Variants in MB21D2 observed in about 807,000 individuals in gnomAD.
MB21D2 encodes nucleotidyltransferase MB21D2.
Under a neutral mutation model 33.3 loss-of-function variants are expected in MB21D2, and 9 were observed. The ratio of observed to expected loss-of-function variants is 0.27; its 90% CI spans 0.16 to 0.47. The LOEUF is 0.47. Among genes scored for constraint, MB21D2 ranks in the 20% least tolerant of loss-of-function variants. MB21D2 has a pLI of 0.99. For synonymous variants in MB21D2, 241 were observed against 236.3 expected, an observed-to-expected ratio of 1.02 and a Z score of -0.18; for missense variants, 540 against 624.6, an observed-to-expected ratio of 0.86 and a Z score of 1.44.
chr3:192,798,153 C>G lies in MB21D2; in HGVS notation c.*233G>C. ...TAAAAAGAAAAAAAACTCCAACAAA[C>G]TAAAGAGCATGACAATAACTACAAA... On this transcript the variant is annotated 3_prime_UTR_variant, in exon 2 of 2. Transcript: ENST00000392452. The surrounding 1 kb of genome is among the most constrained non-coding windows in gnomAD (Gnocchi z 4.8). The G allele has an allele frequency of 4.3e-6, 2 of 462,054 alleles. No homozygotes were observed. The highest frequency in any genetic ancestry group is 3.8e-6 in the Non-Finnish European group (1 of 264,646). The allele number at this position is 462,054 out of a possible 1,614,324, so 28.6% of individuals were successfully genotyped here.
At chr3:192,870,772 C>T (rs1195814223) in intron 1 of MB21D2, among the ~76,000 whole-genome samples, 3 of 94,022 alleles carry the variant, frequency 3.2e-5, no homozygotes, top group Non-Finnish European at 6.0e-5. Context: ...CTAACAAGTT[C>T]GAGGAGTTTA....
At chr3:192,917,417 C>T (rs556276408) in intron 1 of MB21D2, among the ~76,000 whole-genome samples, 4 of 152,288 alleles carry the variant, frequency 2.6e-5, no homozygotes, top group Admixed American at 2.0e-4. Flanking sequence ...GAAAGGGAGA[C>T]CCGGCGTAAA....
At chr3:192,916,275 GAAC>G (rs1714464635) in intron 1 of MB21D2, among the ~76,000 whole-genome samples, 1 of 152,046 alleles carries the variant, frequency 6.6e-6, no homozygotes, top group South Asian at 2.1e-4. Context: ...CCCAACGCGT[GAAC>G]AACTACCAGC....
intron 1 of MB21D2, among the ~76,000 whole-genome samples, chr3:192,895,101 C>T (rs1271091488): frequency 6.6e-6 from 1 of 152,120 alleles, no homozygotes; most frequent in Non-Finnish European, 1.5e-5. Context: ...GCCAAGGGGG[C>T]CTGCTAGGGA....
intron 1 of MB21D2, among the ~76,000 whole-genome samples, chr3:192,823,916 A>G (rs1402145987): frequency 6.6e-6 from 1 of 152,206 alleles, no homozygotes; most frequent in African/African-American, 2.4e-5. Flanking sequence ...CTATCTGAGG[A>G]CATCTAGATG....
chr3:192,867,155 AG>A (rs1713188605), intron 1 of MB21D2, among the ~76,000 whole-genome samples: 1 of 152,182 alleles, frequency 6.6e-6, no homozygotes, highest in African/African-American at 2.4e-5. Flanking sequence ...AGTATTGGGT[AG>A]AGGGAGGAAA....
chr3:192,904,605 C>T (rs1221502202), intron 1 of MB21D2, among the ~76,000 whole-genome samples: 1 of 152,220 alleles, frequency 6.6e-6, no homozygotes, highest in Non-Finnish European at 1.5e-5. Flanking sequence ...AATTCTCAGG[C>T]TCCATTCCAG....
intron 1 of MB21D2, among the ~76,000 whole-genome samples, chr3:192,852,214 C>T (rs377245267): frequency 5.3e-5 from 8 of 152,324 alleles, no homozygotes; most frequent in African/African-American, 1.9e-4. Context: ...TCAGAGACAC[C>T]ACTCAGCATG....
At chr3:192,905,134 C>T (rs1714178667) in intron 1 of MB21D2, among the ~76,000 whole-genome samples, 1 of 152,220 alleles carries the variant, frequency 6.6e-6, no homozygotes, top group Non-Finnish European at 1.5e-5. Flanking sequence ...GATCTTGAAG[C>T]AGCCTAAAAC....
intron 1 of MB21D2, among the ~76,000 whole-genome samples, chr3:192,835,434 C>T (rs528203902): frequency 1.1e-4 from 13 of 120,286 alleles, no homozygotes; most frequent in African/African-American, 3.0e-4. Flanking sequence ...CCAGCCTGGG[C>T]GACACAGCGA....
At chr3:192,884,636 G>A (rs1713691174) in intron 1 of MB21D2, among the ~76,000 whole-genome samples, 2 of 152,024 alleles carry the variant, frequency 1.3e-5, no homozygotes, top group South Asian at 2.1e-4. Context: ...CAAAGTGCTG[G>A]CATTACAGGC....
chr3:192,830,699 T>C (rs1022912557), intron 1 of MB21D2, among the ~76,000 whole-genome samples: 1 of 152,230 alleles, frequency 6.6e-6, no homozygotes, highest in Non-Finnish European at 1.5e-5. Flanking sequence ...AGCCTGCCTG[T>C]CTGTTCATTT....
At chr3:192,840,590 G>A (rs921023628) in intron 1 of MB21D2, among the ~76,000 whole-genome samples, 2 of 152,016 alleles carry the variant, frequency 1.3e-5, no homozygotes, top group Non-Finnish European at 2.9e-5. Flanking sequence ...AAACAGATGA[G>A]TGAGGCGCTA....
intron 1 of MB21D2, among the ~76,000 whole-genome samples, chr3:192,863,259 T>C (rs1713089051): frequency 6.6e-6 from 1 of 152,212 alleles, no homozygotes; most frequent in Non-Finnish European, 1.5e-5. Context: ...TGCCAGGTCC[T>C]TGAGTTCAGA....
chr3:192,879,219 C>T (rs191084244), intron 1 of MB21D2, among the ~76,000 whole-genome samples: 4 of 152,338 alleles, frequency 2.6e-5, no homozygotes, highest in Admixed American at 2.6e-4. Flanking sequence ...AAATCTCTTT[C>T]TCTGCCTCCA....
At chr3:192,843,358 A>ATGCTCAT (rs1366128573) in intron 1 of MB21D2, among the ~76,000 whole-genome samples, 2 of 152,162 alleles carry the variant, frequency 1.3e-5, no homozygotes, top group Non-Finnish European at 2.9e-5. Flanking sequence ...CTTATGAGGA[A>ATGCTCAT]CAAGTGCTAA....
chr3:192,900,275 ACT>A (rs1714065370), intron 1 of MB21D2, among the ~76,000 whole-genome samples: 3 of 122,418 alleles, frequency 2.5e-5, no homozygotes, highest in Non-Finnish European at 5.1e-5. Flanking sequence ...ACAGAGCAAG[ACT>A]CTGTCTCAAA....
intron 1 of MB21D2, among the ~76,000 whole-genome samples, chr3:192,836,573 T>C (rs1048555758): frequency 2.6e-5 from 4 of 152,182 alleles, no homozygotes; most frequent in African/African-American, 9.7e-5. Context: ...AAGGCGGCCA[T>C]GTGAGGACAC....
chr3:192,878,078 CCTCT>C (rs1411074770), intron 1 of MB21D2, among the ~76,000 whole-genome samples: 4 of 139,774 alleles, frequency 2.9e-5, no homozygotes, highest in Non-Finnish European at 6.0e-5. Context: ...AACAATTCCT[CCTCT>C]TTTTTTTTTT....
Sources: allele counts gnomAD v4.1 joint callset (sites outside exome capture counted in the v4.1 genomes callset), GRCh38; gene constraint gnomAD v4.1.1; non-coding constraint Gnocchi (gnomAD v3.1); transcripts MANE v1.5; gene names NCBI Gene and HGNC (gene_info 2026-07-23, HGNC 2026-07-21).